The following SCD5 variants were observed in gnomAD, a reference collection of about 807,000 sequenced individuals.
SCD5 encodes acyl-CoA-desaturase 4.
Under a neutral mutation model 30.4 loss-of-function variants are expected in SCD5, and 20 were observed. That is an observed-to-expected ratio of 0.66 (90% CI 0.46 to 0.96). SCD5 has a LOEUF of 0.96. SCD5 is among the 40% of genes least tolerant of loss of function. SCD5 has a pLI of 0.00. For missense variants in SCD5, 381 were observed against 443.3 expected (o/e 0.86, Z 1.26); for synonymous variants, 173 against 176.4 (o/e 0.98, Z 0.16).
intron 2 of SCD5, chr4:82,692,548 CCT>C (rs1560535508): frequency 6.6e-6 from 1 of 152,276 alleles, no homozygotes; most frequent in African/African-American, 2.4e-5. Context: ...CATCGCAGCC[CCT>C]GAGCGGAGAG....
At chr4:82,706,197 AT>A (rs34125720) in intron 1 of SCD5, among the ~76,000 whole-genome samples, 51,286 of 150,654 alleles carry the variant, frequency 0.34, 10,189 homozygotes, top group Admixed American at 0.45. Context: ...CTCTATTAAC[AT>A]TTTTTTTTTC....
At chr4:82,653,756 G>A (rs10019352) in intron 3 of SCD5, among the ~76,000 whole-genome samples, 144,412 of 151,688 alleles carry the variant, frequency 0.95, 68,837 homozygotes, top group East Asian at 1. Context: ...ATTATGCCCA[G>A]CTAAGAACCA....
At chr4:82,725,186 C>G (rs1720445153) in intron 1 of SCD5, among the ~76,000 whole-genome samples, 2 of 152,134 alleles carry the variant, frequency 1.3e-5, no homozygotes, top group African/African-American at 4.8e-5. Flanking sequence ...ATAAATAACT[C>G]CCCTGAACTT....
intron 1 of SCD5, among the ~76,000 whole-genome samples, chr4:82,734,888 C>A (rs1415975883): frequency 6.6e-6 from 1 of 152,024 alleles, no homozygotes; most frequent in Non-Finnish European, 1.5e-5. Flanking sequence ...CCTCAGCCTC[C>A]CAGAGTGCTG....
chr4:82,664,982 T>G (rs1392164605), intron 3 of SCD5, among the ~76,000 whole-genome samples: 1 of 108,630 alleles, frequency 9.2e-6, no homozygotes, highest in Non-Finnish European at 1.7e-5. Flanking sequence ...TCTCTCTCTC[T>G]CTCTCTCTCT....
At chr4:82,710,622 TG>T (rs1167620334) in intron 1 of SCD5, among the ~76,000 whole-genome samples, 1 of 152,100 alleles carries the variant, frequency 6.6e-6, no homozygotes, top group African/African-American at 2.4e-5. Flanking sequence ...GGGTGACCCC[TG>T]GGTTGAGGAG....
intron 2 of SCD5, among the ~76,000 whole-genome samples, chr4:82,694,969 A>T (rs1183103046): frequency 7.1e-6 from 1 of 140,170 alleles, no homozygotes; most frequent in Non-Finnish European, 1.5e-5. Flanking sequence ...AAACCCCCAA[A>T]CTTATCACTG....
chr4:82,782,034 CTG>C (rs1176673540), intron 1 of SCD5, among the ~76,000 whole-genome samples: 34 of 151,702 alleles, frequency 2.2e-4, no homozygotes, highest in African/African-American at 8.2e-4. Context: ...TAGAGCCTGG[CTG>C]TCTTTCCGCC....
chr4:82,700,787 T>TAAA (rs70938305), intron 2 of SCD5, among the ~76,000 whole-genome samples: 1 of 63,774 alleles, frequency 1.6e-5, no homozygotes, highest in Non-Finnish European at 3.1e-5. Flanking sequence ...ACCCTGTCTC[T>TAAA]AAAAAAAAAA....
At chr4:82,672,229 C>T (rs1048447331) in intron 3 of SCD5, among the ~76,000 whole-genome samples, 3 of 151,840 alleles carry the variant, frequency 2.0e-5, no homozygotes, top group African/African-American at 7.3e-5. Flanking sequence ...AAATTATGAA[C>T]AGGAAATCAA....
chr4:82,764,441 G>A (rs1721444414), intron 1 of SCD5, among the ~76,000 whole-genome samples: 1 of 152,014 alleles, frequency 6.6e-6, no homozygotes, highest in South Asian at 2.1e-4. Context: ...AATTAGTTGA[G>A]CATTTTTCAT....
chr4:82,661,482 T>G (rs540228244), intron 3 of SCD5, among the ~76,000 whole-genome samples: 1 of 152,366 alleles, frequency 6.6e-6, no homozygotes, highest in South Asian at 2.1e-4. Context: ...CAAATATGTA[T>G]GAATCATGCT....
At chr4:82,633,641 CTTG>C (rs1230299862) in intron 4 of SCD5, among the ~76,000 whole-genome samples, 2 of 152,230 alleles carry the variant, frequency 1.3e-5, no homozygotes, top group Admixed American at 1.3e-4. Context: ...CTCACCAACA[CTTG>C]TTATCTTTTA....
At chr4:82,672,155 G>T (rs1656590808) in intron 3 of SCD5, among the ~76,000 whole-genome samples, 1 of 151,724 alleles carries the variant, frequency 6.6e-6, no homozygotes, top group Non-Finnish European at 1.5e-5. Flanking sequence ...AAAAAAAGAA[G>T]AGCAAATTAA....
chr4:82,790,480 T>C (rs1389391989), intron 1 of SCD5, among the ~76,000 whole-genome samples: 1 of 152,150 alleles, frequency 6.6e-6, no homozygotes, highest in African/African-American at 2.4e-5. Context: ...TTTGCTCAGG[T>C]TGTGATGCCA....
chr4:82,685,384 T>C (rs918200322), intron 2 of SCD5, among the ~76,000 whole-genome samples: 2 of 152,036 alleles, frequency 1.3e-5, no homozygotes, highest in South Asian at 2.1e-4. Context: ...TGACCCTTGA[T>C]TGAACTTGGG....
chr4:82,644,692 C>G (rs1332397481), intron 3 of SCD5, among the ~76,000 whole-genome samples: 3 of 152,142 alleles, frequency 2.0e-5, no homozygotes, highest in Non-Finnish European at 4.4e-5. Flanking sequence ...TCATAAGATG[C>G]TTACCTCTTG....
At chr4:82,693,651 C>G (rs922893148) in intron 2 of SCD5, among the ~76,000 whole-genome samples, 18 of 152,142 alleles carry the variant, frequency 1.2e-4, no homozygotes, top group Admixed American at 9.8e-4. Context: ...GTTGGAACAC[C>G]CCTGGGGTGA....
chr4:82,714,590 A>C (rs1019504215), intron 1 of SCD5, among the ~76,000 whole-genome samples: 8 of 152,114 alleles, frequency 5.3e-5, no homozygotes, highest in African/African-American at 1.9e-4. Context: ...GTTTGGCTCC[A>C]GGGCAGGGGG....
Sources: gnomAD v4.1 joint callset for allele counts (sites outside exome capture counted in the v4.1 genomes callset) on GRCh38, gnomAD v4.1.1 for gene constraint, MANE v1.5 for transcripts, NCBI Gene and HGNC (gene_info 2026-07-23, HGNC 2026-07-21) for gene names.